Variants in RP1L1 observed in about 807,000 individuals in gnomAD.
The protein encoded by RP1L1 is RP1 like 1, also known as retinitis pigmentosa 1-like 1 protein.
RP1L1 carries 27 observed loss-of-function variants against 15.7 expected under a neutral mutation model. The observed-to-expected ratio is 1.72, with a 90% CI of 1.27 to 2.38. RP1L1 has a LOEUF of 2.38. Among genes scored for constraint, RP1L1 ranks in the 30% most tolerant of loss-of-function variants. RP1L1 has a pLI of 0.00. For missense variants in RP1L1, 4,798 were observed against 3,075.9 expected (o/e 1.56, Z -13.24); for synonymous variants, 1,813 against 1,276.7 (o/e 1.42, Z -8.96).
At position 10,610,060 on chromosome 8, in the gene RP1L1, T is replaced by A; in HGVS notation, c.4038A>T (p.Gly1346=). The change falls in exon 4 of 4, where the codon GGA becomes GGT. Residue 1346 remains glycine (G), a synonymous_variant. Coordinates refer to ENST00000382483, the MANE Select transcript of RP1L1 (RefSeq NM_178857.6). ...GCGCCTCTTCTTCTTGCTGTCCTTC[T>A]CCTTCTGTTTCTTTAGTTTCCTCTA... The part of the protein sequence containing the change: ...VQLEETKETE[G]EGQQEEEAQL... 1 of 952,120 alleles carries A rather than the reference T, an allele frequency of 1.1e-6. No homozygotes were observed. The highest frequency in any genetic ancestry group is 1.4e-6 in the Non-Finnish European group (1 of 708,014). 59.0% of individuals were successfully genotyped at this position (952,120 alleles called of 1,614,324 possible).
At chr8:10,654,660 C>T (rs746786659) in intron 1 of RP1L1, among the ~76,000 whole-genome samples, 3 of 152,250 alleles carry the variant, frequency 2.0e-5, no homozygotes, top group Admixed American at 6.5e-5. Flanking sequence ...TGTAAATCAA[C>T]GAGCAGAAAC....
intron 1 of RP1L1, among the ~76,000 whole-genome samples, chr8:10,623,534 AATGTCCCCAGCACAACC>A (rs1432120700): frequency 2.0e-5 from 3 of 150,640 alleles, no homozygotes; most frequent in Non-Finnish European, 3.0e-5. Flanking sequence ...CCAGGACCAC[AATGTCCCCAGCACAACC>A]ATGTCCCCAG....
intron 1 of RP1L1, among the ~76,000 whole-genome samples, chr8:10,624,206 T>C (rs149112865): frequency 2.8e-4 from 42 of 152,336 alleles, no homozygotes; most frequent in Middle Eastern, 3.4e-3. Flanking sequence ...CTCTCTCATG[T>C]AGCCAACAAA....
At chr8:10,614,362 G>C (rs780461653) in intron 3 of RP1L1, among the ~76,000 whole-genome samples, 1 of 152,136 alleles carries the variant, frequency 6.6e-6, no homozygotes, top group African/African-American at 2.4e-5. Context: ...CAAAGGAGTG[G>C]CTCTAAGAAA....
intron 1 of RP1L1, among the ~76,000 whole-genome samples, chr8:10,625,625 C>T (rs1205549617): frequency 6.6e-6 from 1 of 152,196 alleles, no homozygotes; most frequent in Non-Finnish European, 1.5e-5. Context: ...CCCAACCCAC[C>T]TCCCACACAG....
intron 2 of RP1L1, chr8:10,620,986 G>T (rs1798049076): frequency 6.6e-6 from 1 of 152,230 alleles, no homozygotes; most frequent in Non-Finnish European, 1.5e-5. Flanking sequence ...GTGGAGAGTG[G>T]AAAGAAGCTT....
rs778995605 is a variant in RP1L1 at position 10,616,634 on chromosome 8, C to T, written c.610-47G>A. On this transcript the variant is annotated intron_variant, in intron 2 of 3. Transcript: ENST00000382483. ...TCAGGAGGCCTGGGCTGCAGAAACC[C>T]CTCTACCCTGAGGCCTGGGGGAGGA... The T allele has an allele frequency of 3.7e-5, 58 of 1,579,772 alleles. 1 individual carries two copies. The South Asian group carries it at 6.1e-4, about 17-fold the overall frequency.
At chr8:10,654,146 C>G (rs938775992) in intron 1 of RP1L1, among the ~76,000 whole-genome samples, 1 of 152,184 alleles carries the variant, frequency 6.6e-6, no homozygotes, top group African/African-American at 2.4e-5. Context: ...CTGATCTCCC[C>G]TAAGCCTCGT....
chr8:10,611,513 C>T lies in RP1L1; in HGVS notation c.2585G>A (p.Cys862Tyr), dbSNP rs1214366662. The change falls in exon 4 of 4, where the codon TGC becomes TAC. Residue 862 changes from cysteine to tyrosine, a missense_variant. Coordinates refer to ENST00000382483, the MANE Select transcript of RP1L1 (RefSeq NM_178857.6). The stretch of plus-strand genomic sequence containing the variant: ...ACAGCTGGAAGAGCGCCTCTGGGGG[C>T]AGGGCCGCCCCCTGGGCGGGGTGGG... ...YCPTPPRGRP[C>Y]PQRRSSSCGS... is the part of the protein sequence containing the mutation. 1.3e-6 allele frequency: 2 copies of T among 1,578,500 alleles called. No individual in the cohort carries two copies. Among genetic ancestry groups the T allele is most frequent in the African/African-American group, 1.3e-5 (1 of 74,444 alleles).
In RP1L1 at chr8:10,610,220, G is replaced by C. The variant is rs781340688; in HGVS notation, c.3878C>G (p.Ala1293Gly). The change falls in exon 4 of 4, where the codon GCT becomes GGT. Residue 1293 changes from alanine (A) to glycine (G), a missense_variant. By Grantham distance (60) the Ala-to-Gly change is moderately conservative. Transcript: ENST00000382483. ...CACCTCTTCTTGCACTGTGTTTTCA[G>C]CTAACTGCTCCAGGTTCGAGCTCGC... ...QRASSNLEQL[A>G]ENTVQEEVQL... The C allele has an allele frequency of 2.5e-6, 4 of 1,596,878 alleles. No homozygotes were observed.
rs1189812868 is a variant in RP1L1, at chr8:10,606,791, A to G, written c.*104T>C. 2 of 1,572,934 alleles carry G rather than the reference A, an allele frequency of 1.3e-6. No individual in the cohort carries two copies. Among genetic ancestry groups the G allele is most frequent in the Admixed American group, 1.8e-5 (1 of 56,108 alleles). On this transcript the variant is annotated 3_prime_UTR_variant, in exon 4 of 4. Transcript: ENST00000382483. Reference sequence around the variant, plus strand: ...GCAAGTCCTTGGTCTTTGTCCATGTACTATGGACATCTCCAGTGGACTGAA... The same window carrying G: ...GCAAGTCCTTGGTCTTTGTCCATGTGCTATGGACATCTCCAGTGGACTGAA...
intron 2 of RP1L1, chr8:10,621,047 C>T (rs1275326590): frequency 1.3e-5 from 2 of 152,244 alleles, no homozygotes; most frequent in Non-Finnish European, 2.9e-5. Flanking sequence ...TGTCATAGCT[C>T]TGCTAGGTAT....
chr8:10,616,713 C>T (rs546547046), intron 2 of RP1L1, 126 bp from the exon 3 acceptor site: 1 of 1,143,766 alleles, frequency 8.7e-7, no homozygotes, highest in South Asian at 1.6e-5. Flanking sequence ...ACCCCAGACT[C>T]CTGGTCCAAG....
Position 10,611,446 on chromosome 8 carries a change from T to C in RP1L1, c.2652A>G (p.Pro884=). The C allele has an allele frequency of 3.2e-6, 5 of 1,572,458 alleles. No individual in the cohort carries two copies. Among genetic ancestry groups the C allele is most frequent in the Non-Finnish European group, 2.6e-6 (3 of 1,161,418 alleles). ...GTGTCCCCTCCTGCGGGCTCCCACC[T>C]GGCCCCCGGGCAGTGCTTTGGTGGC... The part of the protein sequence containing the change: ...GSSHQSTARG[P]GGSPQEGTRQ... Residue 884 remains proline, a synonymous_variant, in exon 4 of 4, where the codon CCA becomes CCG. Transcript: ENST00000382483.
chr8:10,640,931 T>G (rs1383646295), intron 1 of RP1L1, among the ~76,000 whole-genome samples: 1 of 152,046 alleles, frequency 6.6e-6, no homozygotes, highest in South Asian at 2.1e-4. Context: ...CCACCATGCC[T>G]GGCTAATTTT....
At position 10,609,305 on chromosome 8, in the gene RP1L1, T is replaced by G. The variant is rs780263196; in HGVS notation, c.4793A>C (p.Glu1598Ala). The change falls in exon 4 of 4, where the codon GAG becomes GCG. Residue 1598 changes from glutamate to alanine, a missense_variant. Coordinates refer to ENST00000382483, the MANE Select transcript of RP1L1 (RefSeq NM_178857.6). ...GCGCTGCTGGGTCTGCAGGAGCAGCTCCCCGGTGAGGGCCTCCCTTGGAGG... is the reference window on the plus strand; with the variant it reads ...GCGCTGCTGGGTCTGCAGGAGCAGCGCCCCGGTGAGGGCCTCCCTTGGAGG... Reference protein sequence around the residue: ...LEPPREALTGELLLQTQQRRH... With the variant: ...LEPPREALTGALLLQTQQRRH... The G allele has an allele frequency of 6.2e-7, 1 of 1,611,334 alleles. No individual in the cohort carries two copies. The highest frequency in any genetic ancestry group is 1.1e-5 in the South Asian group (1 of 90,986).
intron 1 of RP1L1, among the ~76,000 whole-genome samples, chr8:10,653,094 G>C (rs1279590837): frequency 6.6e-6 from 1 of 152,180 alleles, no homozygotes; most frequent in Non-Finnish European, 1.5e-5. Context: ...GGTTGCTCAA[G>C]AGATATTGTT....
intron 2 of RP1L1, among the ~76,000 whole-genome samples, chr8:10,620,523 T>C (rs1468333402): frequency 6.6e-6 from 1 of 152,148 alleles, no homozygotes; most frequent in Non-Finnish European, 1.5e-5. Context: ...GGAAAATTGC[T>C]TGAATCCAGG....
Position 10,610,678 on chromosome 8 carries a change from C to T in RP1L1, c.3420G>A (p.Arg1140=), listed in dbSNP as rs978469978. The change falls in exon 4 of 4, where the codon AGG becomes AGA. Residue 1140 remains arginine (R), a synonymous_variant. Coordinates refer to ENST00000382483, the MANE Select transcript of RP1L1 (RefSeq NM_178857.6). ...EDLGSPASKV[R]FKDSPRYQEL... Reference sequence around the variant, plus strand: ...CCTGGTACCGAGGGGAGTCTTTGAACCTCACTTTGCTGGCAGGAGACCCAA... The same window carrying T: ...CCTGGTACCGAGGGGAGTCTTTGAATCTCACTTTGCTGGCAGGAGACCCAA... 1 of 1,612,366 alleles carries T rather than the reference C, an allele frequency of 6.2e-7. No homozygotes were observed. Among genetic ancestry groups the T allele is most frequent in the Non-Finnish European group, 8.5e-7 (1 of 1,179,320 alleles).
Sources: allele counts gnomAD v4.1 joint callset (sites outside exome capture counted in the v4.1 genomes callset), GRCh38; gene constraint gnomAD v4.1.1; transcripts MANE v1.5; gene names NCBI Gene and HGNC (gene_info 2026-07-23, HGNC 2026-07-21).